Variants in MAEA observed in about 807,000 individuals in gnomAD.
MAEA encodes E3 ubiquitin-protein transferase MAEA.
A neutral mutation model predicts 46.2 loss-of-function variants in MAEA; 22 were observed. The observed-to-expected ratio is 0.48, with a 90% CI of 0.34 to 0.68. MAEA has a LOEUF of 0.68. MAEA is among the 30% of genes least tolerant of loss of function. MAEA has a pLI of 0.01. For synonymous variants in MAEA, 246 were observed against 222.6 expected, an observed-to-expected ratio of 1.11 and a Z score of -0.94; for missense variants, 393 against 558.1, an observed-to-expected ratio of 0.70 and a Z score of 2.98.
chr4:1,321,813 C>T (rs1204913793), intron 3 of MAEA, among the ~76,000 whole-genome samples: 1 of 152,012 alleles, frequency 6.6e-6, no homozygotes, highest in Non-Finnish European at 1.5e-5. Context: ...CACCCACCCC[C>T]TGTGCCCGGC....
At chr4:1,328,701 T>C (rs1351093524) in intron 5 of MAEA, 1 of 1,275,932 alleles carries the variant, frequency 7.8e-7, no homozygotes. Flanking sequence ...GATGAGGTGC[T>C]GAGGGTGGTC....
Position 1,322,943 on chromosome 4 carries a change from C to CCTTTTTTT in MAEA, c.579+440_579+441insCTTTTTTT, listed in dbSNP as rs1560368750. 4.0e-5 allele frequency among the ~76,000 whole-genome samples: 3 copies of CCTTTTTTT among 75,246 alleles called. 1 individual carries two copies. The allele number at this position is 75,246 out of a possible 152,430, so 49.4% of individuals were successfully genotyped here. On this transcript the variant is annotated intron_variant, in intron 4 of 8. Transcript: ENST00000303400. The stretch of plus-strand genomic sequence containing the variant: ...CTGTGATATTGTTAATGAATACCCA[C>CCTTTTTTT]TTTTTTTTTTTTTTTTTTTTTTTTT...
Position 1,328,963 on chromosome 4 carries a change from T to C in MAEA, c.656+1260T>C, listed in dbSNP as rs977996467. On this transcript the variant is annotated intron_variant, in intron 5 of 8. Coordinates refer to ENST00000303400, the MANE Select transcript of MAEA (RefSeq NM_001017405.3). ...TGCGGGGACACGGCCAGGGGCCCCC[T>C]GTCAAGAGGAGGGGCTCCCGCTCTG... 1.3e-5 allele frequency: 13 copies of C among 992,734 alleles called. No homozygotes were observed. The African/African-American group carries it at 2.3e-4, about 17-fold the overall frequency. 61.5% of individuals were successfully genotyped at this position (992,734 alleles called of 1,614,324 possible).
At chr4:1,327,487 C>A (rs1334976414) in intron 4 of MAEA, 140 bp from the exon 5 acceptor site, 5 of 720,300 alleles carry the variant, frequency 6.9e-6, no homozygotes, top group Non-Finnish European at 1.3e-5. Flanking sequence ...TCAGCCTCAG[C>A]CCTGCCTTCC....
intron 1 of MAEA, among the ~76,000 whole-genome samples, chr4:1,301,545 G>A (rs1295503369): frequency 6.6e-6 from 1 of 152,156 alleles, no homozygotes; most frequent in African/African-American, 2.4e-5. Flanking sequence ...GAATTTAAAA[G>A]CAAATACCAA....
chr4:1,308,213 T>G (rs777632978), intron 1 of MAEA, among the ~76,000 whole-genome samples: 5 of 151,742 alleles, frequency 3.3e-5, no homozygotes, highest in African/African-American at 7.3e-5. Context: ...CACGGTGGTG[T>G]TTTGCATGGA....
intron 1 of MAEA, among the ~76,000 whole-genome samples, chr4:1,295,561 C>G (rs909091303): frequency 2.6e-5 from 4 of 151,680 alleles, no homozygotes; most frequent in African/African-American, 9.7e-5. Flanking sequence ...CTACTTCATG[C>G]TCGCCCATGC....
In MAEA at chr4:1,320,828, C is replaced by T. The variant is rs190542374; in HGVS notation, c.457-1553C>T. 4.6e-5 allele frequency among the ~76,000 whole-genome samples: 7 copies of T among 151,224 alleles called. No homozygotes were observed. In the East Asian group the frequency reaches 8.1e-4, roughly 17 times the overall value. On this transcript the variant is annotated intron_variant, in intron 3 of 8. Transcript: ENST00000303400. Reference sequence around the variant, plus strand: ...AAGCAAACATGCAAGAGGCCGGGCACGGTGGCTCACGCCTGTAATCCCAGC... The same window carrying T: ...AAGCAAACATGCAAGAGGCCGGGCATGGTGGCTCACGCCTGTAATCCCAGC...
chr4:1,293,615 C>A (rs959802088), intron 1 of MAEA, among the ~76,000 whole-genome samples: 1 of 152,168 alleles, frequency 6.6e-6, no homozygotes, highest in Non-Finnish European at 1.5e-5. Context: ...TCTCTGTGAA[C>A]CCCACCTGGG....
intron 8 of MAEA, 171 bp downstream of exon 8, chr4:1,338,788 G>A: frequency 4.0e-6 from 3 of 750,676 alleles, no homozygotes; most frequent in Non-Finnish European, 6.4e-6. Flanking sequence ...ATCGGGACAG[G>A]GCTGTGTGGG....
At chr4:1,317,345 T>C (rs1281646623) in intron 3 of MAEA, among the ~76,000 whole-genome samples, 5 of 98,430 alleles carry the variant, frequency 5.1e-5, no homozygotes, top group Non-Finnish European at 7.9e-5. Flanking sequence ...TCTGGACTCA[T>C]CTGCAGGCCC....
At chr4:1,323,245 G>A (rs190396374) in intron 4 of MAEA, among the ~76,000 whole-genome samples, 28 of 152,130 alleles carry the variant, frequency 1.8e-4, no homozygotes, top group African/African-American at 6.5e-4. Flanking sequence ...GTGCCCGGCC[G>A]AGTACCGACT....
chr4:1,304,182 GT>G (rs1254760990), intron 1 of MAEA, among the ~76,000 whole-genome samples: 2 of 152,182 alleles, frequency 1.3e-5, no homozygotes, highest in African/African-American at 4.8e-5. Context: ...CACTTGAGAT[GT>G]TGCTGGTCCA....
At chr4:1,314,250 C>G (rs2108916795) in intron 2 of MAEA, among the ~76,000 whole-genome samples, 1 of 152,014 alleles carries the variant, frequency 6.6e-6, no homozygotes, top group Non-Finnish European at 1.5e-5. Context: ...TCACTTGAAC[C>G]CAGGAGCTGG....
chr4:1,308,134 C>T (rs1366356657), intron 1 of MAEA, among the ~76,000 whole-genome samples: 1 of 151,812 alleles, frequency 6.6e-6, no homozygotes, highest in Non-Finnish European at 1.5e-5. Context: ...CACCGTGGTA[C>T]AGCCTGTGGC....
intron 4 of MAEA, among the ~76,000 whole-genome samples, chr4:1,323,961 T>A (rs985084416): frequency 9.3e-5 from 12 of 129,488 alleles, no homozygotes; most frequent in African/African-American, 3.5e-4. Flanking sequence ...GTTGGATAAG[T>A]TGAGATTGGG....
chr4:1,327,843 T>C (rs75568808), intron 5 of MAEA, 140 bp downstream of exon 5: 22 of 656,250 alleles, frequency 3.4e-5, no homozygotes, highest in Admixed American at 7.9e-5. Flanking sequence ...CCCTGCCTGC[T>C]CAGGTGGCTG....
intron 5 of MAEA, among the ~76,000 whole-genome samples, chr4:1,328,045 C>T (rs867334451): frequency 6.6e-6 from 1 of 152,218 alleles, no homozygotes; most frequent in East Asian, 1.9e-4. Context: ...TGGAAAGTGC[C>T]GCCAGCCTCA....
intron 1 of MAEA, among the ~76,000 whole-genome samples, chr4:1,308,634 C>T (rs755550729): frequency 4.6e-5 from 7 of 152,264 alleles, no homozygotes; most frequent in Admixed American, 2.6e-4. Context: ...TGATGCCTCA[C>T]GTCTGCACTT....
Sources: allele counts gnomAD v4.1 joint callset (sites outside exome capture counted in the v4.1 genomes callset), GRCh38; gene constraint gnomAD v4.1.1; transcripts MANE v1.5; gene names NCBI Gene and HGNC (gene_info 2026-07-23, HGNC 2026-07-21).